Variants in LRRC8A observed in about 807,000 individuals in gnomAD.
LRRC8A encodes the protein leucine rich repeat containing 8 VRAC subunit A.
Under a neutral mutation model 52.5 loss-of-function variants are expected in LRRC8A, and 24 were observed. The ratio of observed to expected loss-of-function variants is 0.46; its 90% CI spans 0.33 to 0.64. The LOEUF is 0.64. Ranked by LOEUF, LRRC8A falls within the 30% of genes least tolerant of loss-of-function variation. LRRC8A has a pLI of 0.02. For synonymous variants in LRRC8A, 492 were observed against 494.2 expected (o/e 1.00, Z 0.06); for missense variants, 677 against 1,094.7 (o/e 0.62, Z 5.38).
chr9:128,890,175 G>A (rs1839556873), intron 2 of LRRC8A, among the ~76,000 whole-genome samples: 1 of 60,202 alleles, frequency 1.7e-5, no homozygotes, highest in South Asian at 5.2e-4. Flanking sequence ...TGTGTGCTGG[G>A]AAGGCGAGGG....
At chr9:128,884,475 C>T (rs371643934) in intron 1 of LRRC8A, among the ~76,000 whole-genome samples, 1 of 152,184 alleles carries the variant, frequency 6.6e-6, no homozygotes, top group South Asian at 2.1e-4. Flanking sequence ...GAAAACATCC[C>T]TGGCCTCCTG....
chr9:128,916,410 C>G lies in LRRC8A; in HGVS notation c.*39C>G. On this transcript the variant is annotated 3_prime_UTR_variant, in exon 4 of 4. Coordinates refer to ENST00000372600, the MANE Select transcript of LRRC8A (RefSeq NM_019594.4). The surrounding 1 kb of genome is among the most constrained non-coding windows in gnomAD (Gnocchi z 6.1). ...AGCACAGCAAGCAGCAGGACCGCTGCCCAGTCCTCAGGCCCGGAGGGGCAG... is the reference window on the plus strand; with the variant it reads ...AGCACAGCAAGCAGCAGGACCGCTGGCCAGTCCTCAGGCCCGGAGGGGCAG... 6.3e-7 allele frequency: 1 copy of G among 1,581,688 alleles called. No individual in the cohort carries two copies. Among genetic ancestry groups the G allele is most frequent in the South Asian group, 1.1e-5 (1 of 88,312 alleles).
At chr9:128,894,321 A>C (rs1443183929) in intron 2 of LRRC8A, among the ~76,000 whole-genome samples, 1 of 151,630 alleles carries the variant, frequency 6.6e-6, no homozygotes, top group Admixed American at 6.6e-5. Flanking sequence ...GTCTGTACTA[A>C]AAATACAAAA....
intron 2 of LRRC8A, among the ~76,000 whole-genome samples, chr9:128,891,419 A>T (rs1024361248): frequency 8.5e-5 from 13 of 152,138 alleles, no homozygotes; most frequent in South Asian, 2.1e-4. Flanking sequence ...AAAAATAGCC[A>T]GGTGTGGTGG....
At position 128,909,147 on chromosome 9, in the gene LRRC8A, C is replaced by T. The variant is rs905718759; in HGVS notation, c.1983C>T (p.Leu661=). The T allele has an allele frequency of 6.2e-7, 1 of 1,614,184 alleles. No homozygotes were observed. The highest frequency in any genetic ancestry group is 8.5e-7 in the Non-Finnish European group (1 of 1,180,040). ...IAYIPIQIGN[L]TNLERLYLNR... is the part of the protein sequence containing the mutation. ...ACATCCCCATCCAGATCGGCAACCT[C>T]ACCAACCTGGAGCGCCTCTACCTGA... Residue 661 remains leucine, a synonymous_variant, in exon 3 of 4, where the codon CTC becomes CTT. Coordinates refer to ENST00000372600, the MANE Select transcript of LRRC8A (RefSeq NM_019594.4).
intron 2 of LRRC8A, among the ~76,000 whole-genome samples, chr9:128,889,704 A>G (rs559700838): frequency 6.6e-5 from 10 of 151,792 alleles, no homozygotes; most frequent in Non-Finnish European, 1.3e-4. Flanking sequence ...CATATTGGCC[A>G]TGGCTGGTCT....
chr9:128,908,232 C>A lies in LRRC8A; in HGVS notation c.1068C>A (p.Ile356=). 3 of 1,614,114 alleles carry A rather than the reference C, an allele frequency of 1.9e-6. No homozygotes were observed. Among genetic ancestry groups the A allele is most frequent in the Non-Finnish European group, 2.5e-6 (3 of 1,180,038 alleles). ...RSLKKYSFES[I]REESSYSDIP... Reference sequence around the variant, plus strand: ...TCAAGAAGTACTCGTTTGAGTCGATCCGTGAGGAGAGCAGCTACAGCGACA... The same window carrying A: ...TCAAGAAGTACTCGTTTGAGTCGATACGTGAGGAGAGCAGCTACAGCGACA... Residue 356 remains isoleucine, a synonymous_variant, in exon 3 of 4, where the codon ATC becomes ATA. Transcript: ENST00000372600.
chr9:128,916,260 C>T lies in LRRC8A; in HGVS notation c.2322C>T (p.Gly774=), dbSNP rs577481072. ...NRLECLPVEL[G]ECPLLKRSGL... ...TGGAGTGCCTGCCTGTGGAGCTGGG[C>T]GAGTGCCCACTGCTCAAGCGCAGCG... The change falls in exon 4 of 4, where the codon GGC becomes GGT. Residue 774 remains glycine (G), a synonymous_variant. Transcript: ENST00000372600. The surrounding 1 kb of genome is among the most constrained non-coding windows in gnomAD (Gnocchi z 6.1). 127 of 1,613,774 alleles carry T rather than the reference C, an allele frequency of 7.9e-5. No homozygotes were observed. The highest frequency in any genetic ancestry group is 1.7e-4 in the Middle Eastern group (1 of 5,984).
At chr9:128,904,277 G>A (rs1361822503) in intron 2 of LRRC8A, among the ~76,000 whole-genome samples, 7 of 152,192 alleles carry the variant, frequency 4.6e-5, no homozygotes, top group African/African-American at 4.8e-5. Context: ...CCAGCACTGT[G>A]GGAGGCCGTG....
chr9:128,882,671 C>T (rs1839126206), intron 1 of LRRC8A: 1 of 399,182 alleles, frequency 2.5e-6, no homozygotes, highest in East Asian at 3.6e-5. Flanking sequence ...GCTGTCTTCT[C>T]CTGAGTTCCT....
Position 128,908,859 on chromosome 9 carries a change from G to T in LRRC8A, c.1695G>T (p.Val565=), listed in dbSNP as rs1384335085. The change falls in exon 3 of 4, where the codon GTG becomes GTT. Residue 565 remains valine, a synonymous_variant. Coordinates refer to ENST00000372600, the MANE Select transcript of LRRC8A (RefSeq NM_019594.4). ...LSKLPQVVTD[V]GVHLQKLSIN... Reference sequence around the variant, plus strand: ...AGCTGCCACAGGTGGTCACAGATGTGGGCGTGCACCTGCAGAAGCTGTCCA... The same window carrying T: ...AGCTGCCACAGGTGGTCACAGATGTTGGCGTGCACCTGCAGAAGCTGTCCA... 6.2e-7 allele frequency: 1 copy of T among 1,613,672 alleles called. No homozygotes were observed. Among genetic ancestry groups the T allele is most frequent in the Non-Finnish European group, 8.5e-7 (1 of 1,180,032 alleles).
chr9:128,897,544 T>A (rs188301893), intron 2 of LRRC8A, among the ~76,000 whole-genome samples: 1 of 151,886 alleles, frequency 6.6e-6, no homozygotes, highest in Admixed American at 6.6e-5. Flanking sequence ...GATCGTGATT[T>A]AAAAAAAAAT....
In LRRC8A at chr9:128,908,008, A is replaced by G. The variant is rs565708221; in HGVS notation, c.844A>G (p.Thr282Ala). 3 of 1,614,050 alleles carry G rather than the reference A, an allele frequency of 1.9e-6. No homozygotes were observed. Among genetic ancestry groups the G allele is most frequent in the Middle Eastern group, 1.6e-4 (1 of 6,062 alleles). ...CAAGTTCATCCTCATCATCTGCTAC[A>G]CCGTCTACTACGTGCACAACATCAA... The part of the protein sequence containing the change: ...VIKFILIICY[T>A]VYYVHNIKFD... The change falls in exon 3 of 4, where the codon ACC (threonine) becomes GCC (alanine). Residue 282 changes from threonine (T) to alanine (A), a missense_variant. Physicochemically the swap from Thr to Ala is moderately conservative, Grantham distance 58. Around this residue, in one of 4 missense-constraint regions of LRRC8A, gnomAD observed 422 missense variants for 741.5 expected, o/e 0.57. Coordinates refer to ENST00000372600, the MANE Select transcript of LRRC8A (RefSeq NM_019594.4).
In LRRC8A at chr9:128,916,363, C is replaced by G. The variant is rs1406343187; in HGVS notation, c.2425C>G (p.Gln809Glu). 1.2e-6 allele frequency: 2 copies of G among 1,609,078 alleles called. No homozygotes were observed. Among genetic ancestry groups the G allele is most frequent in the Admixed American group, 3.3e-5 (2 of 59,966 alleles). The change falls in exon 4 of 4, where the codon CAG becomes GAG. Residue 809 changes from glutamine to glutamate, a missense_variant. Physicochemically the swap from Gln to Glu is conservative, Grantham distance 29 (BLOSUM62 2). Around this residue, in one of 4 missense-constraint regions of LRRC8A, gnomAD observed 169 missense variants for 217.6 expected, o/e 0.78. Transcript: ENST00000372600. This position sits in a 1 kb window ranked among gnomAD's most constrained non-coding sequence, Gnocchi z 6.1. ...GCGGCTGTGGAGGGCTGACAAGGAG[C>G]AGGCCTGAGCGAGGCCGGCCCAGCA... ...KERLWRADKE[Q>E]A
intron 2 of LRRC8A, among the ~76,000 whole-genome samples, chr9:128,890,823 C>T (rs950262570): frequency 6.6e-6 from 1 of 152,142 alleles, no homozygotes; most frequent in African/African-American, 2.4e-5. Flanking sequence ...ACCTGTAAAC[C>T]GTGTGTGGCC....
At chr9:128,893,408 G>T (rs370943574) in intron 2 of LRRC8A, among the ~76,000 whole-genome samples, 1 of 152,170 alleles carries the variant, frequency 6.6e-6, no homozygotes, top group Admixed American at 6.5e-5. Flanking sequence ...TAATTCTCAC[G>T]ATAACCCATT....
intron 2 of LRRC8A, among the ~76,000 whole-genome samples, chr9:128,894,072 G>T (rs1410717346): frequency 6.6e-6 from 1 of 151,940 alleles, no homozygotes. Flanking sequence ...GTAGAGACGG[G>T]GTTTCGCCAT....
At chr9:128,904,240 C>T (rs1218054633) in intron 2 of LRRC8A, among the ~76,000 whole-genome samples, 1 of 152,124 alleles carries the variant, frequency 6.6e-6, no homozygotes, top group Admixed American at 6.6e-5. Context: ...ACAATTTGGC[C>T]AGGCATGGTG....
intron 3 of LRRC8A, among the ~76,000 whole-genome samples, chr9:128,915,526 C>T (rs1349132859): frequency 1.3e-5 from 2 of 152,140 alleles, no homozygotes; most frequent in Admixed American, 1.3e-4. Flanking sequence ...GGGGTTTCAC[C>T]GTGTTAGCCA....
Sources: allele counts gnomAD v4.1 joint callset (sites outside exome capture counted in the v4.1 genomes callset), GRCh38; gene constraint gnomAD v4.1.1; regional missense constraint gnomAD v4.1.1; non-coding constraint Gnocchi (gnomAD v3.1); transcripts MANE v1.5; gene names NCBI Gene and HGNC (gene_info 2026-07-23, HGNC 2026-07-21).